Variants in UGGT2 observed in about 807,000 individuals in gnomAD.
UGGT2 encodes UDP-glucose glycoprotein glucosyltransferase 2.
UGGT2 carries 180 observed loss-of-function variants against 192.1 expected under a neutral mutation model. That is an observed-to-expected ratio of 0.94 (90% CI 0.83 to 1.06). The LOEUF is 1.06. UGGT2 is among the 50% of genes least tolerant of loss of function. The pLI is 0.00. For missense variants in UGGT2, 1,849 were observed against 1,795.7 expected (o/e 1.03, Z -0.54); for synonymous variants, 580 against 591.0 (o/e 0.98, Z 0.27).
intron 5 of UGGT2, among the ~76,000 whole-genome samples, chr13:96,006,362 T>C (rs1012422375): frequency 4.6e-5 from 7 of 152,246 alleles, no homozygotes; most frequent in African/African-American, 7.2e-5. Flanking sequence ...CAGTGGCTCA[T>C]GCCTGTAATC....
intron 38 of UGGT2, among the ~76,000 whole-genome samples, chr13:95,818,082 G>A: frequency 6.6e-6 from 1 of 152,148 alleles, no homozygotes; most frequent in East Asian, 1.9e-4. Flanking sequence ...CAAGGCGGGA[G>A]GATGGCTTGA....
In UGGT2 at chr13:96,022,998, C is replaced by G. The variant is rs2052559843; in HGVS notation, c.485+42G>C. ...GAAGTTTCTGCTATTGAACTCTCCT[C>G]TCTATAACCACTTCTTTCATTATAG... On this transcript the variant is annotated intron_variant, in intron 4 of 38. Coordinates refer to ENST00000376747, the MANE Select transcript of UGGT2 (RefSeq NM_020121.4). The G allele has an allele frequency of 3.4e-6, 5 of 1,457,806 alleles. No homozygotes were observed. In the East Asian group the frequency reaches 9.5e-5, roughly 28 times the overall value. 90.3% of individuals were successfully genotyped at this position (1,457,806 alleles called of 1,614,324 possible). A position where few individuals can be genotyped will look rare whatever the true frequency, so the allele number is the denominator to read the frequency against.
chr13:95,893,512 T>C (rs986206882), intron 24 of UGGT2, among the ~76,000 whole-genome samples: 2 of 152,200 alleles, frequency 1.3e-5, no homozygotes, highest in Non-Finnish European at 2.9e-5. Flanking sequence ...TGCCCATCAC[T>C]GTGGCATACT....
intron 38 of UGGT2, among the ~76,000 whole-genome samples, chr13:95,815,577 ATATCG>A (rs1303045306): frequency 6.6e-6 from 1 of 152,192 alleles, no homozygotes; most frequent in African/African-American, 2.4e-5. Flanking sequence ...ATCAAGAAAC[ATATCG>A]TATTTATGAA....
chr13:95,831,931 A>G (rs1232819812), intron 38 of UGGT2, among the ~76,000 whole-genome samples: 4 of 151,384 alleles, frequency 2.6e-5, no homozygotes, highest in Non-Finnish European at 5.9e-5. Flanking sequence ...CTTACAGAAT[A>G]TTTTCTTATG....
chr13:95,930,260 CTTTAA>C (rs1303438469), intron 17 of UGGT2, among the ~76,000 whole-genome samples: 1 of 151,940 alleles, frequency 6.6e-6, no homozygotes, highest in Non-Finnish European at 1.5e-5. Context: ...TTGTTGTACT[CTTTAA>C]TTAATTAGGT....
intron 36 of UGGT2, among the ~76,000 whole-genome samples, chr13:95,843,519 G>A (rs1827444786): frequency 1.3e-5 from 2 of 151,990 alleles, no homozygotes; most frequent in African/African-American, 2.4e-5. Context: ...TATGAATCAT[G>A]CTTTTAGTAT....
At position 95,983,566 on chromosome 13, in the gene UGGT2, A is replaced by G. The variant is rs549061856; in HGVS notation, c.1092+238T>C. The G allele has an allele frequency of 3.0e-4, 175 of 591,220 alleles. 2 individuals carry two copies. The highest frequency in any genetic ancestry group is 2.4e-3 in the South Asian group (160 of 66,544). 36.6% of individuals were successfully genotyped at this position (591,220 alleles called of 1,614,324 possible). A position where few individuals can be genotyped will look rare whatever the true frequency, so the allele number is the denominator to read the frequency against. ...TATTCTTTATCCTATGAAGAAAACC[A>G]TACTACCTCGGAAGAAATTCTGGAA... On this transcript the variant is annotated intron_variant, in intron 10 of 38. Transcript: ENST00000376747.
In UGGT2 at chr13:95,949,352, G is replaced by A. The variant is rs148056431; in HGVS notation, c.1438C>T (p.Arg480Cys). 668 of 1,555,170 alleles carry A rather than the reference G, an allele frequency of 4.3e-4. 2 individuals are homozygous for A. Among genetic ancestry groups the A allele is most frequent in the Non-Finnish European group, 5.4e-4 (625 of 1,150,506 alleles). ...AAACTCACCAAATTATGAAAATTGC[G>A]CCTTATGGAAGGTACACTTCCAGGA... The part of the protein sequence containing the change: ...VFPGSVPSIR[R>C]NFHNLVLFID... The change falls in exon 13 of 39, where the codon CGC becomes TGC. Residue 480 changes from arginine to cysteine, a missense_variant. Transcript: ENST00000376747.
intron 23 of UGGT2, among the ~76,000 whole-genome samples, chr13:95,894,976 G>A (rs2047906137): frequency 1.3e-5 from 2 of 152,138 alleles, no homozygotes; most frequent in Admixed American, 1.3e-4. Context: ...GAGAAAGACA[G>A]AGCCAAGGCA....
At chr13:95,892,759 A>G (rs1052517096) in intron 24 of UGGT2, among the ~76,000 whole-genome samples, 1 of 152,184 alleles carries the variant, frequency 6.6e-6, no homozygotes, top group Admixed American at 6.5e-5. Flanking sequence ...AAGAATAATT[A>G]CACTTCATCT....
chr13:95,927,309 T>C lies in UGGT2; in HGVS notation c.2005A>G (p.Ile669Val), dbSNP rs550395712. The C allele has an allele frequency of 9.9e-5, 160 of 1,609,296 alleles. 1 individual carries two copies. In the South Asian group the frequency reaches 1.7e-3, roughly 17 times the overall value. The change falls in exon 18 of 39, where the codon ATT (isoleucine) becomes GTT (valine). Residue 669 changes from isoleucine to valine, a missense_variant. Coordinates refer to ENST00000376747, the MANE Select transcript of UGGT2 (RefSeq NM_020121.4). Reference sequence around the variant, plus strand: ...TTATTCCTATCCATTAGAAAATCAATTGCATTCGTGCGATCATTTAATGTG... The same window carrying C: ...TTATTCCTATCCATTAGAAAATCAACTGCATTCGTGCGATCATTTAATGTG... ...LGTLNDRTNA[I>V]DFLMDRNNVV...
At chr13:95,805,960 T>A (rs1884280895) in intron 38 of UGGT2, among the ~76,000 whole-genome samples, 1 of 148,252 alleles carries the variant, frequency 6.7e-6, no homozygotes, top group Admixed American at 6.8e-5. Flanking sequence ...GGTATAGGAT[T>A]GAACCAAGAG....
At chr13:95,831,435 G>A (rs569462471) in intron 38 of UGGT2, among the ~76,000 whole-genome samples, 1 of 151,788 alleles carries the variant, frequency 6.6e-6, no homozygotes, top group South Asian at 2.1e-4. Context: ...AAAATATGCT[G>A]CCAGCACAAA....
At chr13:95,982,999 T>G (rs1734236023) in intron 10 of UGGT2, among the ~76,000 whole-genome samples, 2 of 152,202 alleles carry the variant, frequency 1.3e-5, no homozygotes, top group African/African-American at 2.4e-5. Flanking sequence ...TGATGGGCAC[T>G]GCTGGCTGGC....
chr13:95,953,030 A>C (rs1443315216), intron 12 of UGGT2, among the ~76,000 whole-genome samples: 1 of 152,174 alleles, frequency 6.6e-6, no homozygotes, highest in Non-Finnish European at 1.5e-5. Context: ...AATTTTAAAG[A>C]TCTATTATGA....
At chr13:95,928,567 G>A (rs867842592) in intron 17 of UGGT2, among the ~76,000 whole-genome samples, 15 of 151,354 alleles carry the variant, frequency 9.9e-5, no homozygotes, top group South Asian at 2.1e-4. Context: ...GGGTCGCGGC[G>A]GGGCAGAGGT....
chr13:95,830,267 A>G (rs1310058791), intron 38 of UGGT2, among the ~76,000 whole-genome samples: 1 of 152,240 alleles, frequency 6.6e-6, no homozygotes, highest in Non-Finnish European at 1.5e-5. Context: ...AACAAAAGCA[A>G]GAATTGAGAA....
In UGGT2 at chr13:95,894,614, C is replaced by G. The variant is rs980751438; in HGVS notation, c.2803G>C (p.Val935Leu). Residue 935 changes from valine (V) to leucine (L), a missense_variant, in exon 24 of 39, where the codon GTG (valine) becomes CTG (leucine). Val to Leu is a conservative substitution (Grantham distance 32). Transcript: ENST00000376747. The part of the protein sequence containing the change: ...IMKVDALMSS[V>L]PKRASRYDVT... ...TCATATCGAGATGCACGCTTAGGCA[C>G]AGAGGACATAAGGGCATCAACTTTC... is the stretch of plus-strand genomic sequence containing the variant. The G allele has an allele frequency of 6.2e-6, 10 of 1,612,024 alleles. No individual in the cohort carries two copies. Among genetic ancestry groups the G allele is most frequent in the Non-Finnish European group, 7.6e-6 (9 of 1,178,872 alleles).
Sources: gnomAD v4.1 joint callset for allele counts (sites outside exome capture counted in the v4.1 genomes callset) on GRCh38, gnomAD v4.1.1 for gene constraint, MANE v1.5 for transcripts, NCBI Gene and HGNC (gene_info 2026-07-23, HGNC 2026-07-21) for gene names.